The following DOCK6 variants were observed in gnomAD, a reference collection of about 807,000 sequenced individuals.
The protein encoded by DOCK6 is dedicator of cytokinesis protein 6.
A neutral mutation model predicts 230.3 loss-of-function variants in DOCK6; 167 were observed. The observed-to-expected ratio is 0.73, with a 90% CI of 0.64 to 0.82. The LOEUF is 0.82. Among genes scored for constraint, DOCK6 ranks in the 40% least tolerant of loss-of-function variants. The pLI is 0.00. For synonymous variants in DOCK6, 1,148 were observed against 1,185.0 expected (o/e 0.97, Z 0.64); for missense variants, 2,598 against 2,825.8 (o/e 0.92, Z 1.83).
chr19:11,202,580 G>T lies in DOCK6; in HGVS notation c.5361+4C>A, dbSNP rs3745682. On this transcript the variant is annotated splice_donor_region_variant and intron_variant, in intron 42 of 47. Coordinates refer to ENST00000294618, the MANE Select transcript of DOCK6 (RefSeq NM_020812.4). The surrounding 1 kb of genome is among the most constrained non-coding windows in gnomAD (Gnocchi z 5.3). ...CCGTTCCACCCCCAACCACAAGGACGTGCCTCCAGCCGGTGTGAGATCTCT... is the reference window on the plus strand; with the variant it reads ...CCGTTCCACCCCCAACCACAAGGACTTGCCTCCAGCCGGTGTGAGATCTCT... 1 of 1,613,670 alleles carries T rather than the reference G, an allele frequency of 6.2e-7. No homozygotes were observed. Among genetic ancestry groups the T allele is most frequent in the Non-Finnish European group, 8.5e-7 (1 of 1,179,866 alleles).
chr19:11,218,093 G>A (rs1295208272), intron 28 of DOCK6, among the ~76,000 whole-genome samples: 2 of 152,072 alleles, frequency 1.3e-5, no homozygotes, highest in Non-Finnish European at 2.9e-5. Flanking sequence ...CTTGTGATCT[G>A]CCCGTCTCAG....
At position 11,243,674 on chromosome 19, in the gene DOCK6, C is replaced by T. The variant is rs371972040; in HGVS notation, c.1141G>A (p.Glu381Lys). Residue 381 changes from glutamate (E) to lysine (K), a missense_variant, in exon 11 of 48, where the codon GAG (glutamate) becomes AAG (lysine). Coordinates refer to ENST00000294618, the MANE Select transcript of DOCK6 (RefSeq NM_020812.4). The surrounding 1 kb of genome is among the most constrained non-coding windows in gnomAD (Gnocchi z 6.3). ...EKLEKLRLAAEQFCTRLGRYR... is the reference protein window; with the variant it reads ...EKLEKLRLAAKQFCTRLGRYR... ...CGGCCCAGGCGGGTGCAGAACTGCT[C>T]GGCCGCCAGGCGCAGCTTCTCTAGC... 11 of 1,613,262 alleles carry T rather than the reference C, an allele frequency of 6.8e-6. No homozygotes were observed. The highest frequency in any genetic ancestry group is 4.5e-5 in the East Asian group (2 of 44,870).
At chr19:11,256,616 A>G (rs191023171) in intron 1 of DOCK6, among the ~76,000 whole-genome samples, 13 of 152,310 alleles carry the variant, frequency 8.5e-5, no homozygotes, top group Admixed American at 7.8e-4. Context: ...TGTTGTCTTC[A>G]AAGACAATCC....
At position 11,227,481 on chromosome 19, in the gene DOCK6, G is replaced by T; in HGVS notation, c.2815-4C>A. ...GGTGCAGCGCCATACTCTTCACCTG[G>T]GGGTGGGGTGAGAGGGCTGTGGGTG... On this transcript the variant is annotated splice_polypyrimidine_tract_variant and splice_region_variant and intron_variant, in intron 23 of 47. Transcript: ENST00000294618. 6.4e-7 allele frequency: 1 copy of T among 1,567,440 alleles called. No homozygotes were observed.
intron 8 of DOCK6, 28 bp downstream of exon 8, chr19:11,245,784 G>A (rs781519492): frequency 6.3e-7 from 1 of 1,593,088 alleles, no homozygotes; most frequent in Non-Finnish European, 8.6e-7. Flanking sequence ...AGAAGGAAGG[G>A]GAGGAAAGAG....
In DOCK6 at chr19:11,214,380, G is replaced by C; in HGVS notation, c.4233C>G (p.Ser1411Arg). Reference sequence around the variant, plus strand: ...CAACCTTCAGCACTGCCCCCAAGACGCTCTCCCGGGCTTCTGAAAGCATCA... The same window carrying C: ...CAACCTTCAGCACTGCCCCCAAGACCCTCTCCCGGGCTTCTGAAAGCATCA... The part of the protein sequence containing the change: ...QTVMLSEARE[S>R]VLGAVLKVVL... The change falls in exon 34 of 48, where the codon AGC becomes AGG. Residue 1411 changes from serine to arginine, a missense_variant. Ser to Arg is a moderately radical substitution (Grantham distance 110). Coordinates refer to ENST00000294618, the MANE Select transcript of DOCK6 (RefSeq NM_020812.4). 6.2e-7 allele frequency: 1 copy of C among 1,613,646 alleles called. No homozygotes were observed. The highest frequency in any genetic ancestry group is 8.5e-7 in the Non-Finnish European group (1 of 1,179,794).
intron 16 of DOCK6, 40 bp downstream of exon 16, chr19:11,238,005 C>A: frequency 6.2e-7 from 1 of 1,609,500 alleles, no homozygotes; most frequent in Non-Finnish European, 8.5e-7. Context: ...CTCCTACCCC[C>A]ATGAGTGCCC....
intron 28 of DOCK6, among the ~76,000 whole-genome samples, chr19:11,218,159 T>G (rs894464801): frequency 3.9e-5 from 6 of 152,096 alleles, no homozygotes; most frequent in African/African-American, 1.4e-4. Flanking sequence ...CTATTTTATT[T>G]TTTTTTGGAT....
chr19:11,204,936 GT>G (rs964098232), intron 39 of DOCK6, among the ~76,000 whole-genome samples: 16 of 151,842 alleles, frequency 1.1e-4, no homozygotes, highest in Non-Finnish European at 1.8e-4. Flanking sequence ...GGGAGAAGCA[GT>G]TTTTTTTTCC....
chr19:11,226,701 A>C (rs1285860815), intron 24 of DOCK6, among the ~76,000 whole-genome samples: 2 of 152,146 alleles, frequency 1.3e-5, no homozygotes, highest in Admixed American at 1.3e-4. Context: ...TCCACATAAA[A>C]TGCTTAGATA....
In DOCK6 at chr19:11,200,157, A is replaced by C; in HGVS notation, c.6101+151T>G. 2.1e-6 allele frequency: 2 copies of C among 940,718 alleles called. No homozygotes were observed. Among genetic ancestry groups the C allele is most frequent in the Non-Finnish European group, 3.0e-6 (2 of 665,542 alleles). 58.3% of individuals were successfully genotyped at this position (940,718 alleles called of 1,614,324 possible). A position where few individuals can be genotyped will look rare whatever the true frequency, so the allele number is the denominator to read the frequency against. ...CAGAGGGAGAGTCTCTCAAAAAAAA[A>C]AACAAAAAAAAAACCGGAAACAAAA... On this transcript the variant is annotated intron_variant, in intron 47 of 47. Transcript: ENST00000294618. This position sits in a 1 kb window ranked among gnomAD's most constrained non-coding sequence, Gnocchi z 4.3.
chr19:11,224,659 G>T (rs1405597607), intron 24 of DOCK6, among the ~76,000 whole-genome samples: 16 of 152,198 alleles, frequency 1.1e-4, no homozygotes, highest in Admixed American at 1.0e-3. Context: ...AGCAAGTCCG[G>T]GGAACAGTGA....
intron 39 of DOCK6, chr19:11,208,060 T>C (rs2079291694): frequency 6.6e-6 from 1 of 151,882 alleles, no homozygotes; most frequent in Non-Finnish European, 1.5e-5. Context: ...AGTTCGAGGC[T>C]GAGTGAGCTA....
chr19:11,249,115 G>A (rs1257292097), intron 6 of DOCK6, among the ~76,000 whole-genome samples: 1 of 152,134 alleles, frequency 6.6e-6, no homozygotes, highest in East Asian at 1.9e-4. Context: ...ATAGATATTG[G>A]TTGATTAAAT....
At chr19:11,251,206 T>A in intron 5 of DOCK6, 120 bp from the exon 6 acceptor site, 1 of 1,038,258 alleles carries the variant, frequency 9.6e-7, no homozygotes, top group Non-Finnish European at 1.4e-6. Context: ...GGGGTGAGGG[T>A]CATCACTCTA....
rs967826229 is a variant in DOCK6 at position 11,200,160 on chromosome 19, CAAAAA to C, written c.6101+143_6101+147del. The stretch of plus-strand genomic sequence containing the variant: ...AGGGAGAGTCTCTCAAAAAAAAAAA[CAAAAA>C]AAAAACCGGAAACAAAACAAAGTCC... On this transcript the variant is annotated intron_variant, in intron 47 of 47. Coordinates refer to ENST00000294618, the MANE Select transcript of DOCK6 (RefSeq NM_020812.4). This position sits in a 1 kb window ranked among gnomAD's most constrained non-coding sequence, Gnocchi z 4.3. The C allele has an allele frequency of 1.8e-5, 11 of 622,314 alleles. No individual in the cohort carries two copies. The highest frequency in any genetic ancestry group is 2.6e-5 in the Non-Finnish European group (11 of 421,556). The allele number at this position is 622,314 out of a possible 1,614,324, so 38.5% of individuals were successfully genotyped here. A position where few individuals can be genotyped will look rare whatever the true frequency, so the allele number is the denominator to read the frequency against.
chr19:11,241,511 G>A, intron 14 of DOCK6: 1 of 1,552,958 alleles, frequency 6.4e-7, no homozygotes, highest in Non-Finnish European at 8.7e-7. Context: ...GCAGAGGCGG[G>A]AGATGGTGGC....
chr19:11,246,389 A>C (rs1467058206), intron 7 of DOCK6, among the ~76,000 whole-genome samples: 2 of 151,954 alleles, frequency 1.3e-5, no homozygotes, highest in Non-Finnish European at 2.9e-5. Flanking sequence ...AATAGGCATG[A>C]GCCATCACGT....
At position 11,222,920 on chromosome 19, in the gene DOCK6, T is replaced by C. The variant is rs3810308; in HGVS notation, c.3070-15A>G. The C allele has an allele frequency of 0.12, 194,789 of 1,609,970 alleles. 13,671 individuals carry two copies. Among genetic ancestry groups the C allele is most frequent in the Admixed American group, 0.26 (15,316 of 59,040 alleles). On this transcript the variant is annotated splice_polypyrimidine_tract_variant and intron_variant, in intron 25 of 47. Transcript: ENST00000294618. The surrounding 1 kb of genome is among the most constrained non-coding windows in gnomAD (Gnocchi z 4.0). ...CGCGTGGCCACCTGCAGGAGAGGGG[T>C]GGCCATCAGTGATGTCAACATTGCT...
Sources: allele counts gnomAD v4.1 joint callset (sites outside exome capture counted in the v4.1 genomes callset), GRCh38; gene constraint gnomAD v4.1.1; non-coding constraint Gnocchi (gnomAD v3.1); transcripts MANE v1.5; gene names NCBI Gene and HGNC (gene_info 2026-07-23, HGNC 2026-07-21).